Variants in LRP1B observed in about 807,000 individuals in gnomAD.
The protein encoded by LRP1B is LDL receptor related protein 1B.
Under a neutral mutation model 556.6 loss-of-function variants are expected in LRP1B, and 217 were observed. That is an observed-to-expected ratio of 0.39 (90% CI 0.35 to 0.44). The LOEUF (loss-of-function observed/expected upper bound fraction) is 0.44. Among genes scored for constraint, LRP1B ranks in the 20% least tolerant of loss-of-function variants. The pLI is 1.00. For missense variants in LRP1B, 5,053 were observed against 5,620.8 expected (o/e 0.90, Z 3.23); for synonymous variants, 2,047 against 1,865.8 (o/e 1.10, Z -2.50).
chr2:140,353,875 C>T lies in LRP1B; in HGVS notation c.11531-803G>A, dbSNP rs146113489. Among the ~76,000 whole-genome samples, 403 of 152,060 alleles carry T rather than the reference C, an allele frequency of 2.7e-3. 2 individuals are homozygous for T. The highest frequency in any genetic ancestry group is 8.2e-3 in the African/African-American group (341 of 41,498). On this transcript the variant is annotated intron_variant, in intron 75 of 90. Transcript: ENST00000389484. ...TGGACTCATATATATGAAGTGACTA[C>T]GTAACAAGAAGGGCTGTATTGAGGT...
intron 2 of LRP1B, among the ~76,000 whole-genome samples, chr2:141,619,696 C>T (rs1412929441): frequency 6.6e-6 from 1 of 152,142 alleles, no homozygotes; most frequent in African/African-American, 2.4e-5. Context: ...AGTAGCAAAA[C>T]AGCAACGTCT....
At chr2:140,320,925 A>G (rs1680082702) in intron 82 of LRP1B, among the ~76,000 whole-genome samples, 1 of 152,018 alleles carries the variant, frequency 6.6e-6, no homozygotes, top group Non-Finnish European at 1.5e-5. Context: ...GCATAGTGAC[A>G]CATACCTGTA....
rs566651100 is a variant in LRP1B at position 140,257,898 on chromosome 2, C to T, written c.13248-10736G>A. Among the ~76,000 whole-genome samples, 448 of 152,258 alleles carry T rather than the reference C, an allele frequency of 2.9e-3. 2 individuals carry two copies. Among genetic ancestry groups the T allele is most frequent in the African/African-American group, 0.011 (439 of 41,558 alleles). On this transcript the variant is annotated intron_variant, in intron 86 of 90. Coordinates refer to ENST00000389484, the MANE Select transcript of LRP1B (RefSeq NM_018557.3). Reference sequence around the variant, plus strand: ...TTCTTAAGCATTCTCTAAGGGACCACAAGGTCACTGGTCCATGTGGAGGAG... The same window carrying T: ...TTCTTAAGCATTCTCTAAGGGACCATAAGGTCACTGGTCCATGTGGAGGAG...
chr2:140,478,158 T>G (rs1688050452), intron 59 of LRP1B, among the ~76,000 whole-genome samples: 1 of 147,416 alleles, frequency 6.8e-6, no homozygotes, highest in Non-Finnish European at 1.5e-5. Flanking sequence ...TTTTTTTTTT[T>G]TTTTTTTTTG....
intron 37 of LRP1B, among the ~76,000 whole-genome samples, chr2:140,707,351 G>A (rs990136299): frequency 3.3e-5 from 5 of 152,036 alleles, no homozygotes; most frequent in African/African-American, 9.7e-5. Context: ...TCATTGTGTC[G>A]TCTCCTAGCG....
At chr2:140,388,537 A>G (rs1274132866) in intron 66 of LRP1B, among the ~76,000 whole-genome samples, 1 of 152,180 alleles carries the variant, frequency 6.6e-6, no homozygotes, top group Non-Finnish European at 1.5e-5. Flanking sequence ...TTCATTGCTA[A>G]AATTTCCTTT....
At chr2:140,993,936 T>C (rs1463187263) in intron 16 of LRP1B, 59 bp downstream of exon 16, 29 of 1,540,968 alleles carry the variant, frequency 1.9e-5, no homozygotes. Context: ...GCCTTGATAA[T>C]TCACACACTC....
intron 2 of LRP1B, among the ~76,000 whole-genome samples, chr2:141,718,248 G>A (rs767376335): frequency 2.6e-5 from 4 of 151,982 alleles, no homozygotes; most frequent in African/African-American, 4.8e-5. Context: ...TTCCTCCCTC[G>A]ACCTCAGACT....
At chr2:140,417,556 C>T (rs1366743724) in intron 66 of LRP1B, among the ~76,000 whole-genome samples, 2 of 152,132 alleles carry the variant, frequency 1.3e-5, no homozygotes, top group Admixed American at 6.5e-5. Flanking sequence ...GTTATGTGCA[C>T]TTTTGTTGCC....
At chr2:140,506,992 A>C (rs1041321055) in intron 52 of LRP1B, 74 bp from the exon 53 acceptor site, 20 of 1,445,586 alleles carry the variant, frequency 1.4e-5, no homozygotes, top group Non-Finnish European at 6.5e-6. Flanking sequence ...GAGCTTGGGG[A>C]ATATATAAAA....
chr2:141,906,591 A>T (rs563017475), intron 1 of LRP1B, among the ~76,000 whole-genome samples: 28 of 152,160 alleles, frequency 1.8e-4, no homozygotes, highest in African/African-American at 6.7e-4. Context: ...GAAGATACTG[A>T]TGTGACTTTT....
Position 140,389,757 on chromosome 2 carries a change from A to G in LRP1B, c.10415-3748T>C, listed in dbSNP as rs529590673. ...TGTATATATAGTTTTATATATATAT[A>G]TATTCATATAATTGGTTTAATCACT... On this transcript the variant is annotated intron_variant, in intron 66 of 90. Transcript: ENST00000389484. Among the ~76,000 whole-genome samples the G allele has an allele frequency of 4.7e-5, 7 of 149,082 alleles. No individual in the cohort carries two copies. The South Asian group carries it at 1.5e-3, about 31-fold the overall frequency.
chr2:141,186,947 G>C (rs1385866130), intron 7 of LRP1B, among the ~76,000 whole-genome samples: 1 of 152,000 alleles, frequency 6.6e-6, no homozygotes, highest in East Asian at 1.9e-4. Flanking sequence ...TAGTTTTATA[G>C]TTTCACCTCT....
chr2:141,102,809 C>G (rs1298391105), intron 7 of LRP1B, among the ~76,000 whole-genome samples: 1 of 151,778 alleles, frequency 6.6e-6, no homozygotes, highest in Non-Finnish European at 1.5e-5. Flanking sequence ...TTACAGTTAC[C>G]CAGTTCAGTT....
chr2:141,943,383 G>C (rs1318197603), intron 1 of LRP1B, among the ~76,000 whole-genome samples: 2 of 152,112 alleles, frequency 1.3e-5, no homozygotes, highest in African/African-American at 4.8e-5. Flanking sequence ...GCTTTTTAAT[G>C]TTACATTTCT....
At chr2:140,799,182 G>C (rs542844318) in intron 32 of LRP1B, among the ~76,000 whole-genome samples, 2 of 152,204 alleles carry the variant, frequency 1.3e-5, no homozygotes, top group East Asian at 3.9e-4. Flanking sequence ...TCTTACTTCT[G>C]CTATGAACTG....
At position 141,493,108 on chromosome 2, in the gene LRP1B, T is replaced by C. The variant is rs183455654; in HGVS notation, c.206-12575A>G. Among the ~76,000 whole-genome samples, 485 of 152,220 alleles carry C rather than the reference T, an allele frequency of 3.2e-3. 1 individual carries two copies. Among genetic ancestry groups the C allele is most frequent in the African/African-American group, 0.011 (469 of 41,534 alleles). ...TAACATCATGAGTTAGGTATTATAATTGCTATTATAGAGAGGAGGAAATGG... is the reference window on the plus strand; with the variant it reads ...TAACATCATGAGTTAGGTATTATAACTGCTATTATAGAGAGGAGGAAATGG... On this transcript the variant is annotated intron_variant, in intron 2 of 90. Transcript: ENST00000389484.
intron 1 of LRP1B, among the ~76,000 whole-genome samples, chr2:141,941,037 G>C (rs111654381): frequency 1.3e-5 from 2 of 152,166 alleles, no homozygotes; most frequent in Non-Finnish European, 2.9e-5. Context: ...GTTTTTACAT[G>C]ACTGATTTCT....
chr2:141,944,367 T>C (rs1275759854), intron 1 of LRP1B, among the ~76,000 whole-genome samples: 2 of 152,216 alleles, frequency 1.3e-5, no homozygotes, highest in Non-Finnish European at 2.9e-5. Flanking sequence ...GTCCCAGACC[T>C]TGACAATACT....
Sources: gnomAD v4.1 joint callset for allele counts (sites outside exome capture counted in the v4.1 genomes callset) on GRCh38, gnomAD v4.1.1 for gene constraint, MANE v1.5 for transcripts, NCBI Gene and HGNC (gene_info 2026-07-23, HGNC 2026-07-21) for gene names.